MEI4: variants seen among roughly 807,000 people sequenced by gnomAD.
MEI4 encodes meiotic double-stranded break formation protein 4.
Under a neutral mutation model 31.4 loss-of-function variants are expected in MEI4, and 27 were observed. The ratio of observed to expected loss-of-function variants is 0.86; its 90% CI spans 0.63 to 1.19. The LOEUF (loss-of-function observed/expected upper bound fraction) is 1.19. MEI4 is among the 50% of genes most tolerant of loss of function. The pLI is 0.00. For missense variants in MEI4, 329 were observed against 398.9 expected (o/e 0.82, Z 1.49); for synonymous variants, 122 against 145.4 (o/e 0.84, Z 1.16).
intron 4 of MEI4, among the ~76,000 whole-genome samples, chr6:77,873,653 G>A (rs1335462393): frequency 2.6e-5 from 4 of 152,070 alleles, no homozygotes; most frequent in Non-Finnish European, 5.9e-5. Context: ...CATTGCTTTT[G>A]GTGTTTTACA....
chr6:77,803,481 C>G (rs1769334138), intron 3 of MEI4, among the ~76,000 whole-genome samples: 1 of 152,194 alleles, frequency 6.6e-6, no homozygotes, highest in Non-Finnish European at 1.5e-5. Flanking sequence ...TCGTCAAAGT[C>G]ATTCTCCATC....
At chr6:77,709,086 G>C in intron 2 of MEI4, among the ~76,000 whole-genome samples, 1 of 152,076 alleles carries the variant, frequency 6.6e-6, no homozygotes, top group Admixed American at 6.5e-5. Context: ...TAATAAATGT[G>C]TGATAATATT....
intron 1 of MEI4, among the ~76,000 whole-genome samples, chr6:77,663,427 G>A (rs183918268): frequency 3.0e-3 from 460 of 152,148 alleles, no homozygotes; most frequent in African/African-American, 9.8e-3. Context: ...AGAGGAGAAT[G>A]CAAAGGAGGC....
At chr6:77,761,004 C>T (rs533534269) in intron 2 of MEI4, 126 bp from the exon 3 acceptor site, 418 of 632,180 alleles carry the variant, frequency 6.6e-4, no homozygotes, top group Middle Eastern at 3.4e-3. Flanking sequence ...TACACTACTG[C>T]TTGTTAAATG....
chr6:77,803,421 C>T (rs1162524004), intron 3 of MEI4, among the ~76,000 whole-genome samples: 1 of 152,104 alleles, frequency 6.6e-6, no homozygotes, highest in Non-Finnish European at 1.5e-5. Context: ...GTTTGAACTT[C>T]CTCCTTTAGC....
At chr6:77,883,742 A>ATATATATATATATATATATG (rs922153293) in intron 4 of MEI4, among the ~76,000 whole-genome samples, 57 of 139,856 alleles carry the variant, frequency 4.1e-4, no homozygotes, top group African/African-American at 1.3e-3. Flanking sequence ...ATATATATAT[A>ATATATATATATATATATATG]TAACTTTGTC....
intron 3 of MEI4, among the ~76,000 whole-genome samples, chr6:77,823,799 T>C (rs1769882550): frequency 2.6e-5 from 4 of 152,130 alleles, no homozygotes; most frequent in Admixed American, 2.6e-4. Flanking sequence ...AACACATTAG[T>C]GGCATTACTG....
intron 1 of MEI4, among the ~76,000 whole-genome samples, chr6:77,672,696 C>T (rs981931908): frequency 2.6e-5 from 4 of 152,132 alleles, no homozygotes; most frequent in Non-Finnish European, 5.9e-5. Flanking sequence ...TGCACCACCA[C>T]GCCTGGCTAA....
intron 3 of MEI4, among the ~76,000 whole-genome samples, chr6:77,770,929 T>A (rs886530840): frequency 2.6e-5 from 4 of 151,772 alleles, no homozygotes; most frequent in Admixed American, 2.0e-4. Flanking sequence ...AAAGAAAAAA[T>A]TGACATATGG....
Position 77,828,945 on chromosome 6 carries a change from T to G in MEI4, c.783T>G (p.His261Gln). 5 of 1,232,328 alleles carry G rather than the reference T, an allele frequency of 4.1e-6. No homozygotes were observed. The highest frequency in any genetic ancestry group is 5.1e-6 in the Non-Finnish European group (5 of 987,912). 76.3% of individuals were successfully genotyped at this position (1,232,328 alleles called of 1,614,324 possible). ...TTTATCTTTAGTTTCAGGTGCAGCATTATGTCTCTCAGAGTCTGGTTACCT... is the reference window on the plus strand; with the variant it reads ...TTTATCTTTAGTTTCAGGTGCAGCAGTATGTCTCTCAGAGTCTGGTTACCT... ...NNHINQFQVQ[H>Q]YVSQSLVTLG... Residue 261 changes from histidine to glutamine, a missense_variant, in exon 4 of 5, where the codon CAT (histidine) becomes CAG (glutamine). By Grantham distance (24) the His-to-Gln change is conservative. Transcript: ENST00000684080.
chr6:77,732,986 G>T (rs79104812), intron 2 of MEI4, among the ~76,000 whole-genome samples: 1 of 150,172 alleles, frequency 6.7e-6, no homozygotes, highest in African/African-American at 2.4e-5. Flanking sequence ...CCCACTTGAT[G>T]ATGGTGGATA....
rs1766765942 is a variant in MEI4, at chr6:77,923,633, C to T, written c.*287C>T. ...TAGCTCTATTATTCTGTAAAATGGA[C>T]CATTAATTGTCTGTCCCTTAAAAGA... On this transcript the variant is annotated 3_prime_UTR_variant, in exon 5 of 5. Coordinates refer to ENST00000684080, the MANE Select transcript of MEI4 (RefSeq NM_001322247.2). 5.0e-6 allele frequency: 1 copy of T among 198,332 alleles called. No homozygotes were observed. Among genetic ancestry groups the T allele is most frequent in the Non-Finnish European group, 1.0e-5 (1 of 99,224 alleles). 12.3% of individuals were successfully genotyped at this position (198,332 alleles called of 1,614,324 possible). A position where few individuals can be genotyped will look rare whatever the true frequency, so the allele number is the denominator to read the frequency against.
At chr6:77,836,242 C>T (rs1770216969) in intron 4 of MEI4, among the ~76,000 whole-genome samples, 1 of 152,040 alleles carries the variant, frequency 6.6e-6, no homozygotes, top group African/African-American at 2.4e-5. Flanking sequence ...GCAGTTCATA[C>T]CTCTATCTAA....
intron 3 of MEI4, among the ~76,000 whole-genome samples, chr6:77,793,395 G>A (rs1234870775): frequency 2.6e-5 from 4 of 152,132 alleles, no homozygotes; most frequent in South Asian, 4.1e-4. Context: ...GCTATAGGGC[G>A]TTCTTTGGGT....
intron 3 of MEI4, among the ~76,000 whole-genome samples, chr6:77,814,762 C>T (rs972008470): frequency 6.6e-6 from 1 of 151,912 alleles, no homozygotes; most frequent in Non-Finnish European, 1.5e-5. Flanking sequence ...GATTACCATA[C>T]CTTCCCTTTT....
At chr6:77,659,783 G>A (rs1467113136) in intron 1 of MEI4, among the ~76,000 whole-genome samples, 1 of 152,150 alleles carries the variant, frequency 6.6e-6, no homozygotes, top group Non-Finnish European at 1.5e-5. Context: ...TCAGTGATGT[G>A]TGTAGTTGGG....
At chr6:77,773,892 G>T (rs922532514) in intron 3 of MEI4, among the ~76,000 whole-genome samples, 6 of 151,950 alleles carry the variant, frequency 3.9e-5, no homozygotes, top group Non-Finnish European at 7.4e-5. Flanking sequence ...AATACAAATG[G>T]CAAACAGGTA....
At chr6:77,785,526 CT>C (rs1431583206) in intron 3 of MEI4, among the ~76,000 whole-genome samples, 1 of 152,174 alleles carries the variant, frequency 6.6e-6, no homozygotes, top group Non-Finnish European at 1.5e-5. Flanking sequence ...TATCTCACTA[CT>C]TTTCCCTTCA....
At chr6:77,653,467 T>C (rs1411264498) in intron 1 of MEI4, among the ~76,000 whole-genome samples, 1 of 152,172 alleles carries the variant, frequency 6.6e-6, no homozygotes, top group East Asian at 1.9e-4. Flanking sequence ...GTCAAGTGAT[T>C]GGGGAATAAG....
Sources: allele counts gnomAD v4.1 joint callset (sites outside exome capture counted in the v4.1 genomes callset), GRCh38; gene constraint gnomAD v4.1.1; transcripts MANE v1.5; gene names NCBI Gene and HGNC (gene_info 2026-07-23, HGNC 2026-07-21).